Variants in BMP7 observed in about 807,000 individuals in gnomAD.
BMP7 encodes the protein bone morphogenetic protein 7.
BMP7 carries 12 observed loss-of-function variants against 41.2 expected under a neutral mutation model. The observed-to-expected ratio is 0.29, with a 90% CI of 0.19 to 0.47. The LOEUF is 0.47. Ranked by LOEUF, BMP7 falls within the 20% of genes least tolerant of loss-of-function variation. The pLI, the probability that BMP7 is intolerant of heterozygous loss-of-function variation, is 0.99. For missense variants in BMP7, 467 were observed against 606.0 expected (o/e 0.77, Z 2.41); for synonymous variants, 248 against 250.0 (o/e 0.99, Z 0.07).
intron 1 of BMP7, among the ~76,000 whole-genome samples, chr20:57,237,860 T>C (rs534470594): frequency 6.6e-6 from 1 of 152,370 alleles, no homozygotes; most frequent in Non-Finnish European, 1.5e-5. Flanking sequence ...GAGTAGTTCA[T>C]AGAAGCTCAC....
Position 57,228,327 on chromosome 20 carries a change from T to G in BMP7, c.513A>C (p.Ala171=), listed in dbSNP as rs752936359. The change falls in exon 2 of 7, where the codon GCA becomes GCC. Residue 171 remains alanine, a synonymous_variant. Coordinates refer to ENST00000395863, the MANE Select transcript of BMP7 (RefSeq NM_001719.3). The surrounding 1 kb of genome is among the most constrained non-coding windows in gnomAD (Gnocchi z 4.5). ...AGTCCTTGTAGATCCGGAATTCGGC[T>G]GCCGTGACAGCTTCCCCTTCTGGGA... ...SKIPEGEAVT[A]AEFRIYKDYI... 7 of 1,613,910 alleles carry G rather than the reference T, an allele frequency of 4.3e-6. No individual in the cohort carries two copies. The highest frequency in any genetic ancestry group is 4.5e-5 in the East Asian group (2 of 44,884).
intron 1 of BMP7, among the ~76,000 whole-genome samples, chr20:57,258,574 AAGG>A (rs2066142608): frequency 6.6e-6 from 1 of 152,242 alleles, no homozygotes; most frequent in African/African-American, 2.4e-5. Flanking sequence ...CAAAGTTGCA[AAGG>A]CACTACAGAG....
In BMP7 at chr20:57,236,393, C is replaced by T. The variant is rs552779572; in HGVS notation, c.419-7972G>A. 1.1e-4 allele frequency among the ~76,000 whole-genome samples: 17 copies of T among 152,268 alleles called. 1 individual carries two copies. The South Asian group carries it at 3.1e-3, about 28-fold the overall frequency. On this transcript the variant is annotated intron_variant, in intron 1 of 6. Coordinates refer to ENST00000395863, the MANE Select transcript of BMP7 (RefSeq NM_001719.3). ...TGCAGACAGGTGAAACTTGAGATGA[C>T]CTGCAGAATGTTCAACTGGACAGTT...
chr20:57,230,528 C>G (rs1002348036), intron 1 of BMP7, among the ~76,000 whole-genome samples: 4 of 151,578 alleles, frequency 2.6e-5, no homozygotes, highest in Non-Finnish European at 5.9e-5. Context: ...ACCTGAGACC[C>G]AGGAGGTGTC....
At chr20:57,230,087 A>G (rs1462997445) in intron 1 of BMP7, among the ~76,000 whole-genome samples, 1 of 152,164 alleles carries the variant, frequency 6.6e-6, no homozygotes, top group Non-Finnish European at 1.5e-5. Flanking sequence ...CACAGCTGCT[A>G]GAATCCTGGG....
chr20:57,257,321 C>T (rs1002460870), intron 1 of BMP7, among the ~76,000 whole-genome samples: 3 of 152,034 alleles, frequency 2.0e-5, no homozygotes, highest in Admixed American at 6.5e-5. Flanking sequence ...TTTGAAAACA[C>T]CAAAGAACAG....
At chr20:57,265,380 G>A (rs1388733232) in intron 1 of BMP7, among the ~76,000 whole-genome samples, 1 of 152,262 alleles carries the variant, frequency 6.6e-6, no homozygotes. Context: ...GCCGGCCCGG[G>A]ACAGCTCACA....
At chr20:57,260,941 C>T (rs1408401345) in intron 1 of BMP7, among the ~76,000 whole-genome samples, 2 of 152,262 alleles carry the variant, frequency 1.3e-5, no homozygotes, top group Middle Eastern at 3.4e-3. Flanking sequence ...GGCTGTTACA[C>T]GGATGGGCAG....
chr20:57,192,243 T>C (rs1984381828), intron 3 of BMP7, among the ~76,000 whole-genome samples: 1 of 131,040 alleles, frequency 7.6e-6, no homozygotes, highest in East Asian at 2.1e-4. Flanking sequence ...TAATAGTATA[T>C]AGCATATATA....
Position 57,228,179 on chromosome 20 carries a change from G to GC in BMP7, c.611+49dup. The GC allele has an allele frequency of 6.3e-7, 1 of 1,593,354 alleles. No individual in the cohort carries two copies. Among genetic ancestry groups the GC allele is most frequent in the Non-Finnish European group, 8.6e-7 (1 of 1,163,246 alleles). Reference sequence around the variant, plus strand: ...CTGGCCCTCACCACCTTCTTCCTCTGCCCCCAGAGGAAACTCAGCACCTCT... The same window carrying GC: ...CTGGCCCTCACCACCTTCTTCCTCTGCCCCCCAGAGGAAACTCAGCACCTCT... On this transcript the variant is annotated intron_variant, in intron 2 of 6. Transcript: ENST00000395863. This position sits in a 1 kb window ranked among gnomAD's most constrained non-coding sequence, Gnocchi z 4.5.
intron 1 of BMP7, among the ~76,000 whole-genome samples, chr20:57,246,695 C>T (rs1343315251): frequency 6.6e-6 from 1 of 152,118 alleles, no homozygotes; most frequent in East Asian, 1.9e-4. Context: ...TTAATATTAA[C>T]TAAAGAGGAC....
intron 1 of BMP7, among the ~76,000 whole-genome samples, chr20:57,249,292 G>A (rs2066102889): frequency 6.6e-6 from 1 of 151,884 alleles, no homozygotes; most frequent in Non-Finnish European, 1.5e-5. Context: ...TCTAGTGTTT[G>A]AAGGCAAGTG....
chr20:57,242,787 G>A (rs1377974789), intron 1 of BMP7, among the ~76,000 whole-genome samples: 1 of 152,148 alleles, frequency 6.6e-6, no homozygotes, highest in Non-Finnish European at 1.5e-5. Flanking sequence ...TGGATCACTT[G>A]AGGTCAGGAG....
chr20:57,244,596 C>A (rs1600641438), intron 1 of BMP7, among the ~76,000 whole-genome samples: 1 of 152,356 alleles, frequency 6.6e-6, no homozygotes, highest in Non-Finnish European at 1.5e-5. Flanking sequence ...TAACCCACCT[C>A]TGGAAGGCTC....
chr20:57,258,487 A>G (rs991691250), intron 1 of BMP7, among the ~76,000 whole-genome samples: 1 of 152,256 alleles, frequency 6.6e-6, no homozygotes, highest in Non-Finnish European at 1.5e-5. Flanking sequence ...ACCATCTTCC[A>G]GAAAGGATTG....
Position 57,224,210 on chromosome 20 carries a change from C to T in BMP7, c.611+4019G>A, listed in dbSNP as rs1421425789. 6.6e-6 allele frequency among the ~76,000 whole-genome samples: 1 copy of T among 152,200 alleles called. No homozygotes were observed. The highest frequency in any genetic ancestry group is 1.5e-5 in the Non-Finnish European group (1 of 68,030). ...TCCCTCTTCCTCAGAGTGACTCAGG[C>T]TGCAGCTGATCCAAATCTTGGCCCT... On this transcript the variant is annotated intron_variant, in intron 2 of 6. Coordinates refer to ENST00000395863, the MANE Select transcript of BMP7 (RefSeq NM_001719.3). This position sits in a 1 kb window ranked among gnomAD's most constrained non-coding sequence, Gnocchi z 4.8.
At chr20:57,254,305 G>T (rs1055065303) in intron 1 of BMP7, among the ~76,000 whole-genome samples, 1 of 152,102 alleles carries the variant, frequency 6.6e-6, no homozygotes, top group African/African-American at 2.4e-5. Context: ...TTACAGGCGT[G>T]AGCCACCGCG....
intron 1 of BMP7, among the ~76,000 whole-genome samples, chr20:57,248,710 G>A (rs1473275031): frequency 6.6e-6 from 1 of 152,222 alleles, no homozygotes; most frequent in African/African-American, 2.4e-5. Flanking sequence ...TATTAGGGGA[G>A]ATAATGACAT....
At chr20:57,184,874 C>G (rs1984175780) in intron 3 of BMP7, among the ~76,000 whole-genome samples, 1 of 152,190 alleles carries the variant, frequency 6.6e-6, no homozygotes, top group Non-Finnish European at 1.5e-5. Flanking sequence ...AAGAGGACAA[C>G]CCTGTGGCAC....
Sources: allele counts gnomAD v4.1 joint callset (sites outside exome capture counted in the v4.1 genomes callset), GRCh38; gene constraint gnomAD v4.1.1; non-coding constraint Gnocchi (gnomAD v3.1); transcripts MANE v1.5; gene names NCBI Gene and HGNC (gene_info 2026-07-23, HGNC 2026-07-21).